ST6GALNAC3: variants seen among roughly 807,000 people sequenced by gnomAD.
ST6GALNAC3 encodes alpha-N-acetylgalactosaminide alpha-2,6-sialyltransferase 3.
A neutral mutation model predicts 32.7 loss-of-function variants in ST6GALNAC3; 25 were observed. The ratio of observed to expected loss-of-function variants is 0.76; its 90% CI spans 0.56 to 1.07. The LOEUF is 1.07. Among genes scored for constraint, ST6GALNAC3 ranks in the 50% least tolerant of loss-of-function variants. The pLI, the probability that ST6GALNAC3 is intolerant of heterozygous loss-of-function variation, is 0.00. For synonymous variants in ST6GALNAC3, 129 were observed against 133.1 expected (o/e 0.97, Z 0.21); for missense variants, 355 against 382.4 (o/e 0.93, Z 0.60).
At chr1:76,481,879 A>T (rs183980777) in intron 3 of ST6GALNAC3, among the ~76,000 whole-genome samples, 64 of 152,168 alleles carry the variant, frequency 4.2e-4, no homozygotes, top group African/African-American at 1.5e-3. Context: ...AGAACTCCAT[A>T]CTCTGTGACT....
chr1:76,605,640 G>T (rs1447225691), intron 3 of ST6GALNAC3, among the ~76,000 whole-genome samples: 1 of 151,906 alleles, frequency 6.6e-6, no homozygotes, highest in East Asian at 1.9e-4. Flanking sequence ...CAAGGCGGGT[G>T]GATCACCTGA....
chr1:76,115,276 G>A (rs187911689), intron 1 of ST6GALNAC3, among the ~76,000 whole-genome samples: 1 of 152,328 alleles, frequency 6.6e-6, no homozygotes, highest in Non-Finnish European at 1.5e-5. Flanking sequence ...CTGCATGTCA[G>A]TATATTTCAG....
At chr1:76,396,946 T>C (rs905661159) in intron 2 of ST6GALNAC3, among the ~76,000 whole-genome samples, 2 of 152,210 alleles carry the variant, frequency 1.3e-5, no homozygotes, top group African/African-American at 4.8e-5. Context: ...CTAATTACTA[T>C]GCTTTACACA....
chr1:76,554,309 G>A (rs899706187), intron 3 of ST6GALNAC3, among the ~76,000 whole-genome samples: 1 of 152,080 alleles, frequency 6.6e-6, no homozygotes, highest in African/African-American at 2.4e-5. Context: ...AGTCTCTCGG[G>A]TTATAGTTAA....
At chr1:76,391,611 C>A (rs1356672107) in intron 2 of ST6GALNAC3, among the ~76,000 whole-genome samples, 1 of 150,908 alleles carries the variant, frequency 6.6e-6, no homozygotes, top group African/African-American at 2.4e-5. Context: ...CCTTCCCTTC[C>A]CTTCCTTTTC....
intron 3 of ST6GALNAC3, among the ~76,000 whole-genome samples, chr1:76,503,226 C>T (rs976179546): frequency 6.6e-6 from 1 of 152,210 alleles, no homozygotes; most frequent in Non-Finnish European, 1.5e-5. Flanking sequence ...TCTCAGAGCT[C>T]ACTCTCTTGC....
intron 1 of ST6GALNAC3, among the ~76,000 whole-genome samples, chr1:76,136,860 C>T (rs1430574891): frequency 1.3e-5 from 2 of 152,250 alleles, no homozygotes; most frequent in South Asian, 2.1e-4. Context: ...ATCTATAGGC[C>T]TCAGAAATGG....
At chr1:76,415,162 G>T in intron 3 of ST6GALNAC3, among the ~76,000 whole-genome samples, 1 of 127,138 alleles carries the variant, frequency 7.9e-6, no homozygotes, top group African/African-American at 3.0e-5. Context: ...GGCTTGGTTG[G>T]ATTCATGTCT....
chr1:76,596,837 G>A (rs1384601839), intron 3 of ST6GALNAC3, among the ~76,000 whole-genome samples: 1 of 152,112 alleles, frequency 6.6e-6, no homozygotes, highest in African/African-American at 2.4e-5. Context: ...GAGATGGATG[G>A]GATGCTATTA....
Position 76,630,460 on chromosome 1 carries a change from A to C in ST6GALNAC3, c.*1654A>C. ...TCTATTTTTCATATACTCGTTGCTC[A>C]TTAAATAGTAAAGGGTTGATTTGCT... On this transcript the variant is annotated 3_prime_UTR_variant, in exon 5 of 5. Transcript: ENST00000328299. The C allele has an allele frequency of 1.0e-6, 1 of 985,252 alleles. No homozygotes were observed. Among genetic ancestry groups the C allele is most frequent in the Non-Finnish European group, 1.2e-6 (1 of 829,852 alleles). 61.0% of individuals were successfully genotyped at this position (985,252 alleles called of 1,614,324 possible). A position where few individuals can be genotyped will look rare whatever the true frequency, so the allele number is the denominator to read the frequency against.
chr1:76,319,978 G>A (rs1646936323), intron 2 of ST6GALNAC3, among the ~76,000 whole-genome samples: 1 of 152,108 alleles, frequency 6.6e-6, no homozygotes, highest in African/African-American at 2.4e-5. Flanking sequence ...TTTTTTGAGT[G>A]GAGAAGAGAT....
At chr1:76,469,559 A>G (rs1458919394) in intron 3 of ST6GALNAC3, among the ~76,000 whole-genome samples, 1 of 152,132 alleles carries the variant, frequency 6.6e-6, no homozygotes, top group South Asian at 2.1e-4. Flanking sequence ...ACTGGCTGGA[A>G]CAGTTGTTTC....
chr1:76,130,081 C>T (rs1649513184), intron 1 of ST6GALNAC3, among the ~76,000 whole-genome samples: 2 of 152,192 alleles, frequency 1.3e-5, no homozygotes. Context: ...TGGACAGGCT[C>T]TGATACCTTA....
chr1:76,525,235 A>C (rs1313151776), intron 3 of ST6GALNAC3, among the ~76,000 whole-genome samples: 1 of 152,122 alleles, frequency 6.6e-6, no homozygotes, highest in Non-Finnish European at 1.5e-5. Flanking sequence ...GCCATGGAAC[A>C]TTTCCCATAG....
intron 3 of ST6GALNAC3, among the ~76,000 whole-genome samples, chr1:76,572,357 A>T (rs1487409002): frequency 6.6e-6 from 1 of 152,158 alleles, no homozygotes; most frequent in Non-Finnish European, 1.5e-5. Flanking sequence ...TAAATGTTTC[A>T]TGACTGAATA....
chr1:76,426,564 T>TAC (rs1655405831), intron 3 of ST6GALNAC3, among the ~76,000 whole-genome samples: 1 of 150,774 alleles, frequency 6.6e-6, no homozygotes, highest in Non-Finnish European at 1.5e-5. Context: ...TATATATCTG[T>TAC]ACATATATAT....
chr1:76,166,480 G>A (rs1652133442), intron 1 of ST6GALNAC3, among the ~76,000 whole-genome samples: 1 of 151,940 alleles, frequency 6.6e-6, no homozygotes. Flanking sequence ...TTGACTATTT[G>A]GGCTCATTTT....
chr1:76,509,015 G>A lies in ST6GALNAC3; in HGVS notation c.623+96598G>A, dbSNP rs1186128860. ...GTAGGACAGAATAGGCTAGGTCTGG[G>A]ATGCTTCTAACATGAGTCTAAGAGT... On this transcript the variant is annotated intron_variant, in intron 3 of 4. Coordinates refer to ENST00000328299, the MANE Select transcript of ST6GALNAC3 (RefSeq NM_152996.4). The surrounding 1 kb of genome is among the most constrained non-coding windows in gnomAD (Gnocchi z 5.5). Among the ~76,000 whole-genome samples the A allele has an allele frequency of 2.0e-5, 3 of 152,198 alleles. No individual in the cohort carries two copies. The highest frequency in any genetic ancestry group is 4.4e-5 in the Non-Finnish European group (3 of 68,046).
At chr1:76,302,258 C>T (rs1468050569) in intron 1 of ST6GALNAC3, among the ~76,000 whole-genome samples, 1 of 152,072 alleles carries the variant, frequency 6.6e-6, no homozygotes, top group Admixed American at 6.6e-5. Context: ...TCACTACCAA[C>T]CTGAGACCAT....
Sources: allele counts gnomAD v4.1 joint callset (sites outside exome capture counted in the v4.1 genomes callset), GRCh38; gene constraint gnomAD v4.1.1; non-coding constraint Gnocchi (gnomAD v3.1); transcripts MANE v1.5; gene names NCBI Gene and HGNC (gene_info 2026-07-23, HGNC 2026-07-21).